The following RELCH variants were observed in gnomAD, a reference collection of about 807,000 sequenced individuals.
RELCH encodes RAB11-binding protein RELCH.
A neutral mutation model predicts 150.3 loss-of-function variants in RELCH; 41 were observed. The observed-to-expected ratio is 0.27, with a 90% CI of 0.21 to 0.35. The LOEUF (loss-of-function observed/expected upper bound fraction) is 0.35. Among genes scored for constraint, RELCH ranks in the 10% least tolerant of loss-of-function variants. The pLI is 1.00. For synonymous variants in RELCH, 478 were observed against 531.8 expected, an observed-to-expected ratio of 0.90 and a Z score of 1.39; for missense variants, 1,092 against 1,467.8, an observed-to-expected ratio of 0.74 and a Z score of 4.18.
chr18:62,197,443 T>G (rs12607649), intron 1 of RELCH, among the ~76,000 whole-genome samples: 42,827 of 152,120 alleles, frequency 0.28, 7,172 homozygotes, highest in East Asian at 0.59. Flanking sequence ...AGCTTTTAAC[T>G]GTGCTGTTCC....
chr18:62,241,794 C>T (rs2042160601), intron 10 of RELCH, among the ~76,000 whole-genome samples: 1 of 152,080 alleles, frequency 6.6e-6, no homozygotes, highest in Admixed American at 6.6e-5. Context: ...TAAATACAGA[C>T]TTAGTAAATT....
intron 16 of RELCH, among the ~76,000 whole-genome samples, chr18:62,262,193 A>T (rs1461599695): frequency 6.6e-6 from 1 of 152,094 alleles, no homozygotes; most frequent in African/African-American, 2.4e-5. Context: ...AGAAGTACAT[A>T]AAATTGACAG....
Position 62,187,660 on chromosome 18 carries a change from C to G in RELCH, c.155C>G (p.Ala52Gly). ...GGAAGTGGCCTAGATCCTGGCTCTG[C>G]GGGCTCGCTGTCGCCACAGGATCCC... Reference protein sequence around the residue: ...GAGSGLDPGSAGSLSPQDPVA... With the variant: ...GAGSGLDPGSGGSLSPQDPVA... Residue 52 changes from alanine to glycine, a missense_variant, in exon 1 of 29, where the codon GCG (alanine) becomes GGG (glycine). Coordinates refer to ENST00000644646, the MANE Select transcript of RELCH (RefSeq NM_001346231.2). The G allele has an allele frequency of 1.3e-6, 2 of 1,560,544 alleles. No homozygotes were observed. Among genetic ancestry groups the G allele is most frequent in the South Asian group, 2.4e-5 (2 of 83,950 alleles).
At chr18:62,298,615 A>G (rs2045528003) in intron 27 of RELCH, among the ~76,000 whole-genome samples, 175 bp from the exon 28 acceptor site, 1 of 152,216 alleles carries the variant, frequency 6.6e-6, no homozygotes, top group Non-Finnish European at 1.5e-5. Context: ...TTTTAAAGCT[A>G]CTTCTGAACC....
intron 2 of RELCH, among the ~76,000 whole-genome samples, chr18:62,213,542 C>T (rs918426010): frequency 1.7e-4 from 26 of 151,994 alleles, no homozygotes; most frequent in African/African-American, 5.5e-4. Context: ...CCAGCCTGAC[C>T]AATATGGTGA....
chr18:62,194,324 T>C (rs1479314206), intron 1 of RELCH, among the ~76,000 whole-genome samples: 1 of 152,234 alleles, frequency 6.6e-6, no homozygotes, highest in African/African-American at 2.4e-5. Context: ...TTTTTTTCTT[T>C]AATAATTTAT....
At chr18:62,230,082 T>C (rs2041475363) in intron 8 of RELCH, among the ~76,000 whole-genome samples, 1 of 152,008 alleles carries the variant, frequency 6.6e-6, no homozygotes, top group Non-Finnish European at 1.5e-5. Flanking sequence ...TGTTCTATAT[T>C]CAGACATTGG....
chr18:62,292,852 T>C (rs887690716), intron 27 of RELCH, among the ~76,000 whole-genome samples: 2 of 152,226 alleles, frequency 1.3e-5, no homozygotes, highest in African/African-American at 4.8e-5. Context: ...ATTGAAACCA[T>C]TGTAGAATAT....
intron 16 of RELCH, among the ~76,000 whole-genome samples, chr18:62,263,576 G>A (rs2043387921): frequency 6.6e-6 from 1 of 151,628 alleles, no homozygotes. Context: ...CATAAAATTT[G>A]GGTTATAATT....
chr18:62,228,184 A>G lies in RELCH; in HGVS notation c.1155-121A>G, dbSNP rs745997556. ...CATAAAAAAGATTTATTACTTGCCA[A>G]TCATTTGCTACTAATACTTTTAAAT... On this transcript the variant is annotated intron_variant, in intron 7 of 28. Transcript: ENST00000644646. 7 of 761,224 alleles carry G rather than the reference A, an allele frequency of 9.2e-6. No individual in the cohort carries two copies. In the South Asian group the frequency reaches 9.8e-5, roughly 11 times the overall value. 47.2% of individuals were successfully genotyped at this position (761,224 alleles called of 1,614,324 possible). A position where few individuals can be genotyped will look rare whatever the true frequency, so the allele number is the denominator to read the frequency against.
At position 62,221,389 on chromosome 18, in the gene RELCH, A is replaced by C. The variant is rs1213692039; in HGVS notation, c.750A>C (p.Pro250=). ...GCCTCTTATTTTGCTTCCAGGAGCCAATCAAACCTCTTGAAAAGAGAGCTC... is the reference window on the plus strand; with the variant it reads ...GCCTCTTATTTTGCTTCCAGGAGCCCATCAAACCTCTTGAAAAGAGAGCTC... ...NYKSSPEIQE[P]IKPLEKRALN... The change falls in exon 5 of 29, where the codon CCA becomes CCC. Residue 250 remains proline, a synonymous_variant. Coordinates refer to ENST00000644646, the MANE Select transcript of RELCH (RefSeq NM_001346231.2). 1.3e-6 allele frequency: 2 copies of C among 1,598,166 alleles called. No individual in the cohort carries two copies. The highest frequency in any genetic ancestry group is 1.7e-4 in the Middle Eastern group (1 of 6,010).
chr18:62,205,710 A>G (rs1408936962), intron 1 of RELCH, among the ~76,000 whole-genome samples: 1 of 152,094 alleles, frequency 6.6e-6, no homozygotes, highest in African/African-American at 2.4e-5. Flanking sequence ...TGTCATCATT[A>G]TTTTTGTTTA....
Position 62,228,730 on chromosome 18 carries a change from CTT to C in RELCH, c.1448+133_1448+134del. The C allele has an allele frequency of 4.6e-6, 3 of 648,002 alleles. No individual in the cohort carries two copies. In the South Asian group the frequency reaches 7.2e-5, roughly 16 times the overall value. The allele number at this position is 648,002 out of a possible 1,614,324, so 40.1% of individuals were successfully genotyped here. ...TATTAATTTTTATATTTGACATGAA[CTT>C]AACACATAGCAAAGTAGTTGTCACA... On this transcript the variant is annotated intron_variant, in intron 8 of 28. Transcript: ENST00000644646.
At chr18:62,296,525 G>A (rs2045417348) in intron 27 of RELCH, among the ~76,000 whole-genome samples, 1 of 152,074 alleles carries the variant, frequency 6.6e-6, no homozygotes, top group Non-Finnish European at 1.5e-5. Flanking sequence ...GGTGGAGGTT[G>A]CAGTGAGCCA....
At chr18:62,207,792 A>G (rs1346905368) in intron 1 of RELCH, among the ~76,000 whole-genome samples, 1 of 152,212 alleles carries the variant, frequency 6.6e-6, no homozygotes, top group Non-Finnish European at 1.5e-5. Context: ...TATCACCCCA[A>G]AAGAAACCCT....
intron 8 of RELCH, 29 bp from the exon 9 acceptor site, chr18:62,231,165 T>C (rs2041543093): frequency 1.5e-6 from 2 of 1,350,412 alleles, no homozygotes; most frequent in African/African-American, 1.5e-5. Flanking sequence ...TTATTTGATA[T>C]TGTCTCTTTT....
At chr18:62,189,160 T>C (rs1320891778) in intron 1 of RELCH, among the ~76,000 whole-genome samples, 1 of 152,162 alleles carries the variant, frequency 6.6e-6, no homozygotes, top group African/African-American at 2.4e-5. Flanking sequence ...AGGATAATCT[T>C]CTTTTTCGGG....
At chr18:62,280,766 T>C in intron 24 of RELCH, 57 bp downstream of exon 24, 6 of 1,163,492 alleles carry the variant, frequency 5.2e-6, no homozygotes, top group Non-Finnish European at 7.7e-6. Flanking sequence ...TCATGATACA[T>C]GTATCTGGTG....
intron 15 of RELCH, 127 bp from the exon 16 acceptor site, chr18:62,261,384 G>A (rs1406707535): frequency 2.8e-6 from 2 of 720,756 alleles, no homozygotes; most frequent in Non-Finnish European, 4.4e-6. Context: ...CTTACTGCTT[G>A]TTTGAGTCCA....
Sources: gnomAD v4.1 joint callset for allele counts (sites outside exome capture counted in the v4.1 genomes callset) on GRCh38, gnomAD v4.1.1 for gene constraint, MANE v1.5 for transcripts, NCBI Gene and HGNC (gene_info 2026-07-23, HGNC 2026-07-21) for gene names.